Variants in SCFD2 observed in about 807,000 individuals in gnomAD.
The protein encoded by SCFD2 is sec1 family domain-containing protein 2.
Under a neutral mutation model 58.9 loss-of-function variants are expected in SCFD2, and 54 were observed. That is an observed-to-expected ratio of 0.92 (90% CI 0.74 to 1.15). The LOEUF is 1.15. SCFD2 is among the 50% of genes most tolerant of loss of function. The pLI is 0.00. For synonymous variants in SCFD2, 321 were observed against 335.9 expected (o/e 0.96, Z 0.49); for missense variants, 805 against 836.6 (o/e 0.96, Z 0.47).
chr4:52,994,657 C>A (rs770351643), intron 5 of SCFD2, among the ~76,000 whole-genome samples: 15 of 152,182 alleles, frequency 9.9e-5, no homozygotes, highest in Non-Finnish European at 1.5e-5. Context: ...CTCCACTCGA[C>A]AGATATACCA....
At chr4:53,336,211 T>C (rs1232547260) in intron 2 of SCFD2, among the ~76,000 whole-genome samples, 1 of 152,106 alleles carries the variant, frequency 6.6e-6, no homozygotes, top group Non-Finnish European at 1.5e-5. Context: ...ATATGGTTCA[T>C]AAAACAATTA....
intron 8 of SCFD2, among the ~76,000 whole-genome samples, chr4:52,884,704 A>G (rs1424067300): frequency 6.6e-6 from 1 of 152,160 alleles, no homozygotes; most frequent in Non-Finnish European, 1.5e-5. Flanking sequence ...TTACTGATTT[A>G]ACAGGCTGTG....
intron 5 of SCFD2, among the ~76,000 whole-genome samples, chr4:53,041,507 G>A (rs1442081547): frequency 6.6e-6 from 1 of 152,170 alleles, no homozygotes; most frequent in Non-Finnish European, 1.5e-5. Flanking sequence ...ATCAGGAGAT[G>A]AGATGTCCAA....
chr4:53,025,002 A>G (rs1387763810), intron 5 of SCFD2, among the ~76,000 whole-genome samples: 5 of 152,342 alleles, frequency 3.3e-5, no homozygotes, highest in Non-Finnish European at 1.5e-5. Context: ...ATCTATTCAC[A>G]GATAAACAGG....
chr4:53,291,591 G>A (rs180998889), intron 3 of SCFD2, among the ~76,000 whole-genome samples: 1 of 150,960 alleles, frequency 6.6e-6, no homozygotes, highest in African/African-American at 2.4e-5. Flanking sequence ...ATTAAACTAC[G>A]ACTGATATTC....
At chr4:53,252,496 T>C (rs1648582512) in intron 4 of SCFD2, among the ~76,000 whole-genome samples, 2 of 150,962 alleles carry the variant, frequency 1.3e-5, no homozygotes, top group Admixed American at 6.6e-5. Context: ...ACTACAAGGC[T>C]ACAGTAACCA....
At chr4:52,960,951 TTG>T (rs1024235330) in intron 5 of SCFD2, among the ~76,000 whole-genome samples, 2 of 152,108 alleles carry the variant, frequency 1.3e-5, no homozygotes, top group Non-Finnish European at 2.9e-5. Context: ...TTCATGGTCA[TTG>T]TGAGTAGTCT....
chr4:52,909,667 T>C (rs542550984), intron 6 of SCFD2, among the ~76,000 whole-genome samples: 1 of 152,248 alleles, frequency 6.6e-6, no homozygotes, highest in Non-Finnish European at 1.5e-5. Context: ...ACGGCAAGAA[T>C]GATCTCAATT....
At chr4:53,078,166 A>G (rs933981170) in intron 5 of SCFD2, among the ~76,000 whole-genome samples, 1 of 152,180 alleles carries the variant, frequency 6.6e-6, no homozygotes. Flanking sequence ...TATTAATCTT[A>G]CTTTATAGAC....
intron 5 of SCFD2, among the ~76,000 whole-genome samples, chr4:53,074,092 C>T (rs1320435042): frequency 6.6e-6 from 1 of 152,238 alleles, no homozygotes; most frequent in Non-Finnish European, 1.5e-5. Flanking sequence ...AGCCAATCCT[C>T]TTAAACACTG....
At chr4:52,967,888 T>A (rs1486670058) in intron 5 of SCFD2, among the ~76,000 whole-genome samples, 2 of 152,224 alleles carry the variant, frequency 1.3e-5, no homozygotes, top group African/African-American at 4.8e-5. Context: ...TTCCCATCAG[T>A]GTTGACTTGT....
intron 5 of SCFD2, among the ~76,000 whole-genome samples, chr4:52,924,568 T>A (rs1719818710): frequency 6.6e-6 from 1 of 152,238 alleles, no homozygotes; most frequent in South Asian, 2.1e-4. Context: ...CTCCAATTTG[T>A]CTGTCATCCT....
chr4:53,335,736 A>G lies in SCFD2; in HGVS notation c.1007+16862T>C, dbSNP rs1301369664. 2.6e-5 allele frequency among the ~76,000 whole-genome samples: 4 copies of G among 152,294 alleles called. No individual in the cohort carries two copies. The South Asian group carries it at 6.2e-4, about 24-fold the overall frequency. ...TAATAAATTTTTTATAAAGGAATCA[A>G]TCAATTCAAAAAAAATACCAAGCAG... On this transcript the variant is annotated intron_variant, in intron 2 of 8. Transcript: ENST00000401642.
intron 4 of SCFD2, among the ~76,000 whole-genome samples, chr4:53,155,449 C>T (rs1347428582): frequency 6.6e-6 from 1 of 152,142 alleles, no homozygotes; most frequent in Non-Finnish European, 1.5e-5. Flanking sequence ...TTGGACTTCC[C>T]AGCCTCCAGA....
intron 8 of SCFD2, among the ~76,000 whole-genome samples, chr4:52,881,694 G>T (rs183411992): frequency 1.3e-5 from 2 of 152,310 alleles, no homozygotes; most frequent in Middle Eastern, 3.4e-3. Flanking sequence ...AATAGCAATA[G>T]ATACAAAAGA....
chr4:53,060,538 A>C (rs1027661592), intron 5 of SCFD2, among the ~76,000 whole-genome samples: 1 of 152,116 alleles, frequency 6.6e-6, no homozygotes, highest in African/African-American at 2.4e-5. Context: ...ATACTAATAC[A>C]TTATTTGCCT....
chr4:53,074,096 A>C (rs1298644663), intron 5 of SCFD2, among the ~76,000 whole-genome samples: 1 of 152,196 alleles, frequency 6.6e-6, no homozygotes, highest in Non-Finnish European at 1.5e-5. Context: ...AATCCTCTTA[A>C]ACACTGCTGC....
intron 2 of SCFD2, among the ~76,000 whole-genome samples, chr4:53,315,217 G>A (rs1440026117): frequency 2.3e-5 from 3 of 131,998 alleles, no homozygotes; most frequent in African/African-American, 8.6e-5. Context: ...CTGGGAAGAA[G>A]TTAAAACTCA....
At chr4:53,091,236 T>A (rs955630683) in intron 5 of SCFD2, among the ~76,000 whole-genome samples, 9 of 151,976 alleles carry the variant, frequency 5.9e-5, no homozygotes, top group African/African-American at 1.4e-4. Context: ...AGTGAGGAGA[T>A]ACAAAGTTAA....
Sources: gnomAD v4.1 joint callset for allele counts (sites outside exome capture counted in the v4.1 genomes callset) on GRCh38, gnomAD v4.1.1 for gene constraint, MANE v1.5 for transcripts, NCBI Gene and HGNC (gene_info 2026-07-23, HGNC 2026-07-21) for gene names.